The following SORL1 variants were observed in gnomAD, a reference collection of about 807,000 sequenced individuals.
SORL1 encodes the protein sortilin-related receptor.
Under a neutral mutation model 273.7 loss-of-function variants are expected in SORL1, and 127 were observed. That is an observed-to-expected ratio of 0.46 (90% confidence interval 0.40 to 0.54). SORL1 has a LOEUF of 0.54. Among genes scored for constraint, SORL1 ranks in the 20% least tolerant of loss-of-function variants. The pLI, the probability that SORL1 is intolerant of heterozygous loss-of-function variation, is 0.00. For missense variants in SORL1, 2,494 were observed against 2,846.1 expected (o/e 0.88, Z 2.81); for synonymous variants, 1,031 against 1,067.4 (o/e 0.97, Z 0.66).
rs781190094 is a variant in SORL1, at chr11:121,520,668, A to G, written c.1223A>G (p.Asn408Ser). The G allele has an allele frequency of 1.3e-6, 2 of 1,569,760 alleles. No homozygotes were observed. The highest frequency in any genetic ancestry group is 1.7e-6 in the Non-Finnish European group (2 of 1,159,356). The change falls in exon 9 of 48, where the codon AAT (asparagine) becomes AGT (serine). Residue 408 changes from asparagine (N) to serine (S), a missense_variant. Physicochemically the swap from Asn to Ser is conservative, Grantham distance 46. Around this residue, in one of 3 missense-constraint regions of SORL1, gnomAD observed 710 missense variants for 882.5 expected, o/e 0.80. Coordinates refer to ENST00000260197, the MANE Select transcript of SORL1 (RefSeq NM_003105.6). Reference sequence around the variant, plus strand: ...TTTTCATATTGTAGGTATTTTGCAAATGAACCATTTGCTGACTTCCACCGA... The same window carrying G: ...TTTTCATATTGTAGGTATTTTGCAAGTGAACCATTTGCTGACTTCCACCGA... Reference protein sequence around the residue: ...GSDTLVRYFANEPFADFHRVE... With the variant: ...GSDTLVRYFASEPFADFHRVE...
intron 12 of SORL1, among the ~76,000 whole-genome samples, chr11:121,542,645 C>G (rs1862364151): frequency 6.6e-6 from 1 of 151,986 alleles, no homozygotes; most frequent in Non-Finnish European, 1.5e-5. Context: ...TCTGATCATT[C>G]ATTGTAAGAT....
chr11:121,564,467 T>A lies in SORL1; in HGVS notation c.3050-2473T>A, dbSNP rs539472129. ...TCTTAGCTCTTCTTGCTTGTTTGGATAGGAATATTTGCTCTGCATATGAAA... is the reference window on the plus strand; with the variant it reads ...TCTTAGCTCTTCTTGCTTGTTTGGAAAGGAATATTTGCTCTGCATATGAAA... On this transcript the variant is annotated intron_variant, in intron 21 of 47. Transcript: ENST00000260197. 3.2e-3 allele frequency among the ~76,000 whole-genome samples: 495 copies of A among 152,352 alleles called. 5 individuals are homozygous for A. The highest frequency in any genetic ancestry group is 0.012 in the African/African-American group (482 of 41,582).
chr11:121,586,205 G>A lies in SORL1; in HGVS notation c.3707-17G>A. ...TTCCTCCTCGTCATTCTTCTGTGTTGTTGAATTCTATTTCAGAGAAGAAGT... is the reference window on the plus strand; with the variant it reads ...TTCCTCCTCGTCATTCTTCTGTGTTATTGAATTCTATTTCAGAGAAGAAGT... On this transcript the variant is annotated splice_polypyrimidine_tract_variant and intron_variant, in intron 26 of 47. Coordinates refer to ENST00000260197, the MANE Select transcript of SORL1 (RefSeq NM_003105.6). 2 of 1,585,116 alleles carry A rather than the reference G, an allele frequency of 1.3e-6. No homozygotes were observed. The highest frequency in any genetic ancestry group is 8.7e-7 in the Non-Finnish European group (1 of 1,153,474).
intron 21 of SORL1, among the ~76,000 whole-genome samples, chr11:121,561,775 T>C (rs1230087859): frequency 6.6e-6 from 1 of 151,722 alleles, no homozygotes; most frequent in Non-Finnish European, 1.5e-5. Context: ...GCTGTGACTG[T>C]CCCTTTGGCC....
At chr11:121,594,516 T>C (rs1438448840) in intron 31 of SORL1, among the ~76,000 whole-genome samples, 1 of 152,146 alleles carries the variant, frequency 6.6e-6, no homozygotes, top group African/African-American at 2.4e-5. Context: ...ATCTTTGTTG[T>C]CATGGTTTTA....
chr11:121,470,228 G>C, intron 2 of SORL1, 105 bp downstream of exon 2: 1 of 775,100 alleles, frequency 1.3e-6, no homozygotes, highest in Non-Finnish European at 2.4e-6. Context: ...ATTGGAACAT[G>C]GAATGGATGA....
At chr11:121,551,344 T>C (rs866348549) in intron 16 of SORL1, among the ~76,000 whole-genome samples, 2 of 152,342 alleles carry the variant, frequency 1.3e-5, no homozygotes, top group Middle Eastern at 3.4e-3. Context: ...TAGATAATCA[T>C]TATGCATGCT....
intron 38 of SORL1, chr11:121,610,168 G>A (rs554950903): frequency 6.6e-6 from 1 of 152,198 alleles, no homozygotes; most frequent in South Asian, 2.1e-4. Flanking sequence ...TCTATAGAAG[G>A]GGCATATGTG....
At chr11:121,485,128 G>C (rs1861454405) in intron 3 of SORL1, among the ~76,000 whole-genome samples, 1 of 152,184 alleles carries the variant, frequency 6.6e-6, no homozygotes, top group South Asian at 2.1e-4. Context: ...AAGGATGGAA[G>C]AAGAATGAGG....
chr11:121,622,031 C>G (rs1420746231), intron 44 of SORL1, 131 bp from the exon 45 acceptor site: 2 of 606,094 alleles, frequency 3.3e-6, no homozygotes, highest in Non-Finnish European at 5.9e-6. Flanking sequence ...ACTCAGCAAT[C>G]TATGTGTTTT....
intron 42 of SORL1, among the ~76,000 whole-genome samples, chr11:121,619,341 G>A (rs369615892): frequency 2.0e-3 from 301 of 152,260 alleles, no homozygotes; most frequent in African/African-American, 6.9e-3. Flanking sequence ...CAGGACAGCC[G>A]TTCATAAGAA....
chr11:121,522,839 G>T, intron 10 of SORL1, 77 bp from the exon 11 acceptor site: 4 of 1,409,958 alleles, frequency 2.8e-6, no homozygotes, highest in Non-Finnish European at 4.0e-6. Context: ...TAGATACTAC[G>T]CAGAATTTCT....
At chr11:121,515,915 G>A (rs892880986) in intron 8 of SORL1, among the ~76,000 whole-genome samples, 1 of 152,178 alleles carries the variant, frequency 6.6e-6, no homozygotes, top group African/African-American at 2.4e-5. Flanking sequence ...CCAAAGTGCT[G>A]GGATTACAGA....
chr11:121,552,392 A>G (rs956246829), intron 16 of SORL1, among the ~76,000 whole-genome samples: 3 of 152,250 alleles, frequency 2.0e-5, no homozygotes, highest in Non-Finnish European at 4.4e-5. Context: ...TGCTCTGAAC[A>G]TAATCCTAAA....
At chr11:121,538,256 AGTTCTGAAG>A (rs1227767324) in intron 12 of SORL1, among the ~76,000 whole-genome samples, 1 of 151,432 alleles carries the variant, frequency 6.6e-6, no homozygotes, top group African/African-American at 2.4e-5. Context: ...CCATTTAATC[AGTTCTGAAG>A]GGTGCATGTC....
At chr11:121,503,072 G>A (rs2134831074) in intron 6 of SORL1, among the ~76,000 whole-genome samples, 1 of 152,152 alleles carries the variant, frequency 6.6e-6, no homozygotes, top group East Asian at 1.9e-4. Context: ...GTTTCATCAT[G>A]TTGCCCAGGC....
chr11:121,473,611 G>A (rs892877297), intron 2 of SORL1, among the ~76,000 whole-genome samples: 5 of 152,218 alleles, frequency 3.3e-5, no homozygotes, highest in African/African-American at 1.2e-4. Flanking sequence ...ATCAACCAGG[G>A]GCTGGGTGAG....
rs765143803 is a variant in SORL1 at position 121,490,082 on chromosome 11, A to G, written c.730A>G (p.Ile244Val). Residue 244 changes from isoleucine to valine, a missense_variant, in exon 5 of 48, where the codon ATT becomes GTT. Physicochemically the swap from Ile to Val is conservative, Grantham distance 29. Transcript: ENST00000260197. Reference sequence around the variant, plus strand: ...TGACTTTGGCCAGACCTGGATCATGATTCAGGAACATGTCAAGTCCTTTTC... The same window carrying G: ...TGACTTTGGCCAGACCTGGATCATGGTTCAGGAACATGTCAAGTCCTTTTC... ...SDDFGQTWIM[I>V]QEHVKSFSWG... 1.2e-6 allele frequency: 2 copies of G among 1,613,952 alleles called. No homozygotes were observed. Among genetic ancestry groups the G allele is most frequent in the Admixed American group, 1.7e-5 (1 of 60,032 alleles).
chr11:121,570,220 G>T lies in SORL1; in HGVS notation c.3287G>T (p.Trp1096Leu). The T allele has an allele frequency of 6.2e-7, 1 of 1,614,058 alleles. No homozygotes were observed. Among genetic ancestry groups the T allele is most frequent in the Non-Finnish European group, 8.5e-7 (1 of 1,179,918 alleles). Residue 1096 changes from tryptophan to leucine, a missense_variant, in exon 23 of 48, where the codon TGG becomes TTG. Coordinates refer to ENST00000260197, the MANE Select transcript of SORL1 (RefSeq NM_003105.6). ...SNGNCINSIW[W>L]CDFDNDCGDM... is the part of the protein sequence containing the mutation. Reference sequence around the variant, plus strand: ...GGGAACTGTATCAACAGCATTTGGTGGTGTGACTTTGACAACGACTGTGGA... The same window carrying T: ...GGGAACTGTATCAACAGCATTTGGTTGTGTGACTTTGACAACGACTGTGGA...
Sources: allele counts gnomAD v4.1 joint callset (sites outside exome capture counted in the v4.1 genomes callset), GRCh38; gene constraint gnomAD v4.1.1; regional missense constraint gnomAD v4.1.1; transcripts MANE v1.5; gene names NCBI Gene and HGNC (gene_info 2026-07-23, HGNC 2026-07-21).